The following KBTBD12 variants were observed in gnomAD, a reference collection of about 807,000 sequenced individuals.
KBTBD12 encodes the protein kelch repeat and BTB domain containing 12.
In KBTBD12, 53 loss-of-function variants were observed where a neutral mutation model predicts 58.7. The observed-to-expected ratio is 0.90, with a 90% CI of 0.72 to 1.14. The LOEUF is 1.14. Among genes scored for constraint, KBTBD12 ranks in the 50% most tolerant of loss-of-function variants. KBTBD12 has a pLI of 0.00. For missense variants in KBTBD12, 704 were observed against 751.3 expected (o/e 0.94, Z 0.74); for synonymous variants, 236 against 259.8 (o/e 0.91, Z 0.88).
intron 4 of KBTBD12, among the ~76,000 whole-genome samples, chr3:127,941,873 T>TA: frequency 6.6e-6 from 1 of 152,178 alleles, no homozygotes. Flanking sequence ...GTACTGGAAT[T>TA]ACAGGCATGA....
intron 4 of KBTBD12, among the ~76,000 whole-genome samples, chr3:127,948,765 C>T (rs1940142764): frequency 1.3e-5 from 2 of 152,150 alleles, no homozygotes; most frequent in African/African-American, 4.8e-5. Flanking sequence ...CATTCAGTCA[C>T]GTTTGTTAGA....
rs765485081 is a variant in KBTBD12 at position 127,923,745 on chromosome 3, T to C, written c.684T>C (p.Ser228=). 2 of 1,613,794 alleles carry C rather than the reference T, an allele frequency of 1.2e-6. No homozygotes were observed. Among genetic ancestry groups the C allele is most frequent in the Non-Finnish European group, 1.7e-6 (2 of 1,179,842 alleles). ...KQVRLELVNP[S]FLRQALRRNT... ...TCAGATTGGAACTTGTAAATCCTTC[T>C]TTTTTAAGACAAGCCCTAAGAAGGA... Residue 228 remains serine (S), a synonymous_variant, in exon 2 of 6, where the codon TCT becomes TCC. Transcript: ENST00000405109.
At chr3:127,926,029 T>C (rs1939559350) in intron 2 of KBTBD12, among the ~76,000 whole-genome samples, 1 of 152,212 alleles carries the variant, frequency 6.6e-6, no homozygotes, top group South Asian at 2.1e-4. Flanking sequence ...AGATTATTTA[T>C]TTTTTAAAAA....
intron 4 of KBTBD12, among the ~76,000 whole-genome samples, chr3:127,958,468 G>A (rs1940363718): frequency 6.6e-6 from 1 of 152,102 alleles, no homozygotes; most frequent in South Asian, 2.1e-4. Context: ...ATGGGCCCAG[G>A]GTTTGAAAGG....
Position 127,924,139 on chromosome 3 carries a change from T to G in KBTBD12, c.1070+8T>G. The G allele has an allele frequency of 6.4e-7, 1 of 1,553,752 alleles. No homozygotes were observed. The highest frequency in any genetic ancestry group is 8.8e-7 in the Non-Finnish European group (1 of 1,139,156). On this transcript the variant is annotated splice_region_variant and intron_variant, in intron 2 of 5. Transcript: ENST00000405109. ...GAATGTTGAAATTTATAGGTTTGTA[T>G]CTAGCAGCAAATTTGCTTAATTATT... is the stretch of plus-strand genomic sequence containing the variant.
At position 127,942,564 on chromosome 3, in the gene KBTBD12, T is replaced by C. The variant is rs191846728; in HGVS notation, c.1492+12281T>C. On this transcript the variant is annotated intron_variant, in intron 4 of 5. Coordinates refer to ENST00000405109, the MANE Select transcript of KBTBD12 (RefSeq NM_207335.4). ...GTCATCCATTAATGAACATTTAGATTGTTTCTATATCTTGACTATTGTGAA... is the reference window on the plus strand; with the variant it reads ...GTCATCCATTAATGAACATTTAGATCGTTTCTATATCTTGACTATTGTGAA... Among the ~76,000 whole-genome samples the C allele has an allele frequency of 3.4e-3, 514 of 151,350 alleles. 3 individuals carry two copies. The highest frequency in any genetic ancestry group is 0.011 in the African/African-American group (454 of 41,354).
chr3:127,930,905 C>T (rs1939686424), intron 4 of KBTBD12, among the ~76,000 whole-genome samples: 1 of 152,152 alleles, frequency 6.6e-6, no homozygotes, highest in Non-Finnish European at 1.5e-5. Flanking sequence ...CTATCCTTCT[C>T]CATTCCTTGA....
chr3:127,971,486 C>A (rs1439445281), intron 5 of KBTBD12, among the ~76,000 whole-genome samples: 2 of 152,188 alleles, frequency 1.3e-5, no homozygotes, highest in African/African-American at 2.4e-5. Context: ...GCTGTTGGCC[C>A]TTTGAGACTC....
intron 4 of KBTBD12, among the ~76,000 whole-genome samples, chr3:127,958,629 A>G (rs573695896): frequency 6.6e-6 from 1 of 152,190 alleles, no homozygotes; most frequent in Non-Finnish European, 1.5e-5. Flanking sequence ...AACCAGCTAT[A>G]TGTCCACTCG....
rs1559762418 is a variant in KBTBD12, at chr3:127,930,188, A to T, written c.1397A>T (p.Asp466Val). The stretch of plus-strand genomic sequence containing the variant: ...TTAAGCAACAAACTGTTGCAGTATG[A>T]CCCCAGCCAAGATCAATGGAGTGTG... ...DRLSNKLLQY[D>V]PSQDQWSVRA... is the part of the protein sequence containing the mutation. The change falls in exon 4 of 6, where the codon GAC (aspartate) becomes GTC (valine). Residue 466 changes from aspartate to valine, a missense_variant. Coordinates refer to ENST00000405109, the MANE Select transcript of KBTBD12 (RefSeq NM_207335.4). The T allele has an allele frequency of 1.2e-6, 2 of 1,604,982 alleles. No individual in the cohort carries two copies. The highest frequency in any genetic ancestry group is 2.2e-5 in the East Asian group (1 of 44,712).
At chr3:127,916,309 T>C (rs1217946038) in intron 1 of KBTBD12, among the ~76,000 whole-genome samples, 1 of 152,054 alleles carries the variant, frequency 6.6e-6, no homozygotes, top group Non-Finnish European at 1.5e-5. Flanking sequence ...ACATTTAGGG[T>C]GGTGCGTGTG....
chr3:127,928,677 T>C (rs770748574), intron 3 of KBTBD12, among the ~76,000 whole-genome samples: 56 of 152,218 alleles, frequency 3.7e-4, no homozygotes, highest in Admixed American at 6.5e-4. Context: ...CTTGGAGCAC[T>C]CTTCTTAGGA....
At chr3:127,959,434 T>C (rs1400695950) in intron 4 of KBTBD12, among the ~76,000 whole-genome samples, 4 of 152,168 alleles carry the variant, frequency 2.6e-5, no homozygotes, top group African/African-American at 9.7e-5. Context: ...AATCTCTCTA[T>C]CCAACCCCGG....
chr3:127,918,071 A>G (rs1939299292), intron 1 of KBTBD12, among the ~76,000 whole-genome samples: 1 of 152,200 alleles, frequency 6.6e-6, no homozygotes, highest in Admixed American at 6.5e-5. Context: ...TAAATTAGGC[A>G]TAGTGGTGCA....
Position 127,984,345 on chromosome 3 carries a change from G to A in KBTBD12, c.*67G>A. On this transcript the variant is annotated 3_prime_UTR_variant, in exon 6 of 6. Transcript: ENST00000405109. ...GCCTTCAGAACGGAGAGGGCCCACA[G>A]CATCTCTGTCATGCCAGTCATGTGC... 1 of 1,414,146 alleles carries A rather than the reference G, an allele frequency of 7.1e-7. No individual in the cohort carries two copies. Among genetic ancestry groups the A allele is most frequent in the Non-Finnish European group, 9.8e-7 (1 of 1,019,328 alleles). The allele number at this position is 1,414,146 out of a possible 1,614,324, so 87.6% of individuals were successfully genotyped here.
intron 4 of KBTBD12, among the ~76,000 whole-genome samples, chr3:127,961,721 A>G: frequency 6.8e-6 from 1 of 147,080 alleles, no homozygotes; most frequent in African/African-American, 2.6e-5. Flanking sequence ...TAAACTTCTC[A>G]TTCTTCATTC....
chr3:127,971,778 C>T (rs1053290285), intron 5 of KBTBD12, among the ~76,000 whole-genome samples: 1 of 152,160 alleles, frequency 6.6e-6, no homozygotes, highest in Non-Finnish European at 1.5e-5. Flanking sequence ...TGCCTTCAGC[C>T]CATCTGAGCC....
At chr3:127,971,735 G>A (rs1286765347) in intron 5 of KBTBD12, among the ~76,000 whole-genome samples, 1 of 152,202 alleles carries the variant, frequency 6.6e-6, no homozygotes, top group African/African-American at 2.4e-5. Context: ...TGGGCAGGGG[G>A]ATTTCTTCCC....
intron 4 of KBTBD12, among the ~76,000 whole-genome samples, chr3:127,935,318 G>A (rs1939805062): frequency 6.6e-6 from 1 of 152,138 alleles, no homozygotes; most frequent in Non-Finnish European, 1.5e-5. Flanking sequence ...ATATCAGAGA[G>A]TAGAGGAGGA....
Sources: gnomAD v4.1 joint callset for allele counts (sites outside exome capture counted in the v4.1 genomes callset) on GRCh38, gnomAD v4.1.1 for gene constraint, MANE v1.5 for transcripts, NCBI Gene and HGNC (gene_info 2026-07-23, HGNC 2026-07-21) for gene names.